SUPT6H: variants seen among roughly 807,000 people sequenced by gnomAD.
SUPT6H encodes SPT6 homolog, histone chaperone and transcription elongation factor, also known as transcription elongation factor SPT6.
In SUPT6H, 11 loss-of-function variants were observed where a neutral mutation model predicts 222.3. The observed-to-expected ratio is 0.05, with a 90% CI of 0.03 to 0.08. SUPT6H has a LOEUF of 0.08. Ranked by LOEUF, SUPT6H falls within the 10% of genes least tolerant of loss-of-function variation. The probability of loss-of-function intolerance (pLI) is 1.00; values close to 1 mark genes in which losing one functional copy is unlikely to be tolerated. For missense variants in SUPT6H, 1,422 were observed against 2,216.0 expected (o/e 0.64, Z 7.19); for synonymous variants, 762 against 801.2 (o/e 0.95, Z 0.83).
At chr17:28,692,479 A>T (rs2031711033) in intron 27 of SUPT6H, among the ~76,000 whole-genome samples, 1 of 147,102 alleles carries the variant, frequency 6.8e-6, no homozygotes, top group Non-Finnish European at 1.5e-5. Flanking sequence ...CTAAAAATAT[A>T]AGGATTAGCA....
Position 28,686,583 on chromosome 17 carries a change from AC to A in SUPT6H, c.2565-66del, listed in dbSNP as rs550441846. On this transcript the variant is annotated intron_variant, in intron 20 of 36. Coordinates refer to ENST00000314616, the MANE Select transcript of SUPT6H (RefSeq NM_003170.5). ...AAGCCCTTTCCTCCCCTACCTCTTC[AC>A]CCCCAAGGCAGTCATGAGACTGTCC... 10 of 1,545,794 alleles carry A rather than the reference AC, an allele frequency of 6.5e-6. No homozygotes were observed. The South Asian group carries it at 1.0e-4, about 16-fold the overall frequency.
At chr17:28,676,541 C>T in intron 7 of SUPT6H, 111 bp downstream of exon 7, 3 of 1,516,024 alleles carry the variant, frequency 2.0e-6, no homozygotes, top group East Asian at 2.3e-5. Context: ...TGAACCTCAT[C>T]TCACCTGGGG....
chr17:28,698,716 C>G (rs775897733), intron 32 of SUPT6H, among the ~76,000 whole-genome samples: 3 of 152,250 alleles, frequency 2.0e-5, no homozygotes, highest in Admixed American at 6.5e-5. Context: ...TGCTTTTATC[C>G]CTGTACTGGC....
rs200771649 is a variant in SUPT6H, at chr17:28,684,563, A to G, written c.2230-23A>G. On this transcript the variant is annotated intron_variant, in intron 17 of 36. Transcript: ENST00000314616. ...ACCATAATGTCATCATGTATGTAAT[A>G]CCTGTTGTGTCTCTTCCCTCAGGCC... is the stretch of plus-strand genomic sequence containing the variant. The G allele has an allele frequency of 9.9e-6, 16 of 1,613,876 alleles. No homozygotes were observed. The East Asian group carries it at 3.1e-4, about 31-fold the overall frequency.
chr17:28,699,835 C>T lies in SUPT6H; in HGVS notation c.4503C>T (p.Phe1501=), dbSNP rs2032061316. ...PEGFRYRGQI[F]PTVNGLFRWF... ...GATTCCGGTACCGGGGCCAGATCTT[C>T]CCAACCGTGAATGGACTGTTTAGAT... The change falls in exon 33 of 37, where the codon TTC becomes TTT. Residue 1501 remains phenylalanine (F), a synonymous_variant. Coordinates refer to ENST00000314616, the MANE Select transcript of SUPT6H (RefSeq NM_003170.5). 1 of 1,614,194 alleles carries T rather than the reference C, an allele frequency of 6.2e-7. No homozygotes were observed. The highest frequency in any genetic ancestry group is 8.5e-7 in the Non-Finnish European group (1 of 1,180,036).
In SUPT6H at chr17:28,690,063, T is replaced by G; in HGVS notation, c.3343-19T>G. On this transcript the variant is annotated intron_variant, in intron 25 of 36. Coordinates refer to ENST00000314616, the MANE Select transcript of SUPT6H (RefSeq NM_003170.5). ...TGGGGGGCAGCTGCAAGGCTCTTCT[T>G]GATGGGCTTCTTCCCCAGGGCTATG... 6.2e-7 allele frequency: 1 copy of G among 1,602,376 alleles called. No homozygotes were observed. Among genetic ancestry groups the G allele is most frequent in the Non-Finnish European group, 8.5e-7 (1 of 1,172,606 alleles).
At chr17:28,674,865 CTT>C (rs2030646176) in intron 4 of SUPT6H, 103 bp from the exon 5 acceptor site, 1 of 1,361,926 alleles carries the variant, frequency 7.3e-7, no homozygotes, top group Non-Finnish European at 1.0e-6. Context: ...TCCCATCTCT[CTT>C]GGTCAGAGTA....
At chr17:28,674,809 C>T (rs2030640914) in intron 4 of SUPT6H, 161 bp from the exon 5 acceptor site, 1 of 1,032,382 alleles carries the variant, frequency 9.7e-7, no homozygotes, top group Admixed American at 2.6e-5. Context: ...GTCCAAGTTT[C>T]AAGGATGGGC....
At position 28,682,860 on chromosome 17, in the gene SUPT6H, G is replaced by C. The variant is rs1348602562; in HGVS notation, c.1727+4G>C. The stretch of plus-strand genomic sequence containing the variant: ...TGGCCAAGGATTACGTTTGCAGGTA[G>C]GCATGCAGCAGGTGGCTGACAGGAG... On this transcript the variant is annotated splice_donor_region_variant and intron_variant, in intron 14 of 36. Transcript: ENST00000314616. The C allele has an allele frequency of 3.1e-6, 5 of 1,614,050 alleles. No individual in the cohort carries two copies. The highest frequency in any genetic ancestry group is 1.7e-6 in the Non-Finnish European group (2 of 1,180,048).
At chr17:28,675,232 A>G (rs1471458467) in intron 5 of SUPT6H, 70 bp downstream of exon 5, 11 of 1,531,872 alleles carry the variant, frequency 7.2e-6, no homozygotes, top group Non-Finnish European at 9.7e-6. Context: ...TGGGAACAGG[A>G]TGGAAACCAT....
chr17:28,680,372 C>T (rs2031030773), intron 11 of SUPT6H, among the ~76,000 whole-genome samples: 1 of 151,612 alleles, frequency 6.6e-6, no homozygotes, highest in South Asian at 2.1e-4. Flanking sequence ...CTGAGGTGGG[C>T]AGATCACCTG....
At position 28,681,976 on chromosome 17, in the gene SUPT6H, G is replaced by T; in HGVS notation, c.1593G>T (p.Gly531=). The change falls in exon 13 of 37, where the codon GGG becomes GGT. Residue 531 remains glycine (G), a synonymous_variant. Transcript: ENST00000314616. ...RDMYTICQSA[G]LDGLAKKFGL... Reference sequence around the variant, plus strand: ...TGTACACCATCTGCCAGAGTGCTGGGCTAGGTAAAAGCTAGCTGCTTTGGG... The same window carrying T: ...TGTACACCATCTGCCAGAGTGCTGGTCTAGGTAAAAGCTAGCTGCTTTGGG... The T allele has an allele frequency of 6.2e-7, 1 of 1,602,308 alleles. No homozygotes were observed.
rs2030603710 is a variant in SUPT6H at position 28,674,283 on chromosome 17, A to G, written c.110A>G (p.Asp37Gly). 6.2e-7 allele frequency: 1 copy of G among 1,614,110 alleles called. No individual in the cohort carries two copies. The highest frequency in any genetic ancestry group is 2.2e-5 in the East Asian group (1 of 44,882). Residue 37 changes from aspartate (D) to glycine (G), a missense_variant and splice_region_variant, in exon 3 of 37, where the codon GAT (aspartate) becomes GGT (glycine). Physicochemically the swap from Asp to Gly is moderately conservative, Grantham distance 94 (BLOSUM62 -1). Transcript: ENST00000314616. ...TGCCTCAAACATGCATGTCTTCCAG[A>G]TGAGGAGGAGGAGGAGGAGAACCTA... Reference protein sequence around the residue: ...TKKFVEEEDDDEEEEEENLDD... With the variant: ...TKKFVEEEDDGEEEEEENLDD...
At chr17:28,665,545 G>A (rs1250603165) in intron 1 of SUPT6H, among the ~76,000 whole-genome samples, 2 of 152,034 alleles carry the variant, frequency 1.3e-5, no homozygotes, top group African/African-American at 4.8e-5. Context: ...ATCACCTGAG[G>A]TCAGGAGCTC....
At chr17:28,668,269 C>T (rs2030207184) in intron 1 of SUPT6H, among the ~76,000 whole-genome samples, 1 of 152,180 alleles carries the variant, frequency 6.6e-6, no homozygotes, top group Non-Finnish European at 1.5e-5. Flanking sequence ...AATACAACAT[C>T]CAAACTACAT....
At chr17:28,676,051 C>G in intron 6 of SUPT6H, 106 bp from the exon 7 acceptor site, 1 of 1,338,456 alleles carries the variant, frequency 7.5e-7, no homozygotes, top group Non-Finnish European at 1.0e-6. Flanking sequence ...TTACCTTCCT[C>G]CTAACCCTCT....
chr17:28,678,050 G>GCTATTT (rs1443603881), intron 8 of SUPT6H, 26 bp from the exon 9 acceptor site: 1 of 1,592,808 alleles, frequency 6.3e-7, no homozygotes, highest in Admixed American at 1.7e-5. Context: ...ACATTGTCTT[G>GCTATTT]CTATTTCTTT....
Position 28,676,337 on chromosome 17 carries a change from C to G in SUPT6H, c.804C>G (p.Ile268Met). The part of the protein sequence containing the change: ...TTKKRVSRRS[I>M]FEMYEPSELE... ...AGAAGCGTGTGAGCCGTAGGAGCAT[C>G]TTTGAAATGTATGAGCCCAGTGAGC... Residue 268 changes from isoleucine (I) to methionine (M), a missense_variant, in exon 7 of 37, where the codon ATC (isoleucine) becomes ATG (methionine). Physicochemically the swap from Ile to Met is conservative, Grantham distance 10. This residue lies in a region of SUPT6H where 389 missense variants were observed against 544.6 expected (regional missense o/e 0.71). Coordinates refer to ENST00000314616, the MANE Select transcript of SUPT6H (RefSeq NM_003170.5). 1 of 1,613,502 alleles carries G rather than the reference C, an allele frequency of 6.2e-7. No individual in the cohort carries two copies. Among genetic ancestry groups the G allele is most frequent in the South Asian group, 1.1e-5 (1 of 91,034 alleles).
chr17:28,698,233 G>A (rs964235165), intron 32 of SUPT6H, among the ~76,000 whole-genome samples: 5 of 152,276 alleles, frequency 3.3e-5, no homozygotes, highest in South Asian at 4.1e-4. Flanking sequence ...TAAGAAGGGC[G>A]CTTTCCTTAA....
Sources: gnomAD v4.1 joint callset for allele counts (sites outside exome capture counted in the v4.1 genomes callset) on GRCh38, gnomAD v4.1.1 for gene constraint, gnomAD v4.1.1 regional missense constraint, MANE v1.5 for transcripts, NCBI Gene and HGNC (gene_info 2026-07-23, HGNC 2026-07-21) for gene names.